The following TMLHE variants were observed in gnomAD, a reference collection of about 807,000 sequenced individuals.
TMLHE encodes trimethyllysine hydroxylase, epsilon.
In TMLHE, 18 loss-of-function variants were observed where a neutral mutation model predicts 25.7. The ratio of observed to expected loss-of-function variants is 0.70; its 90% CI spans 0.48 to 1.04. TMLHE has a LOEUF of 1.04. TMLHE is among the 50% of genes least tolerant of loss of function. TMLHE has a pLI of 0.00. For synonymous variants in TMLHE, 105 were observed against 97.0 expected, an observed-to-expected ratio of 1.08 and a Z score of -0.49; for missense variants, 236 against 259.0, an observed-to-expected ratio of 0.91 and a Z score of 0.61.
chrX:155,522,227 C>T (rs1408386270), intron 3 of TMLHE, among the ~76,000 whole-genome samples: 1 of 111,645 alleles, frequency 9.0e-6, no homozygotes, highest in Non-Finnish European at 1.9e-5. Flanking sequence ...GTTTTTTCCT[C>T]CAATGCTTTT....
intron 1 of TMLHE, among the ~76,000 whole-genome samples, chrX:155,584,807 C>T (rs1321894682): frequency 9.0e-6 from 1 of 111,446 alleles, no homozygotes; most frequent in Non-Finnish European, 1.9e-5. Flanking sequence ...TGATTTCCCT[C>T]ATAAATGAAG....
chrX:155,522,343 A>G (rs2067193107), intron 3 of TMLHE, among the ~76,000 whole-genome samples: 1 of 111,901 alleles, frequency 8.9e-6, no homozygotes, highest in Admixed American at 9.4e-5. Flanking sequence ...AACTTGTTAT[A>G]TAACCACACT....
At chrX:155,597,615 G>C (rs984347895) in intron 1 of TMLHE, among the ~76,000 whole-genome samples, 4 of 111,461 alleles carry the variant, frequency 3.6e-5, no homozygotes, top group Non-Finnish European at 7.5e-5. Context: ...AACAATGACA[G>C]GCTTAGTGTT....
chrX:155,548,597 T>A (rs1250987227), intron 1 of TMLHE, among the ~76,000 whole-genome samples: 5 of 108,607 alleles, frequency 4.6e-5, no homozygotes, highest in Non-Finnish European at 7.7e-5. Flanking sequence ...TAGCCGGGTG[T>A]GGTGGCACAC....
At chrX:155,524,757 C>T (rs1422168310) in intron 2 of TMLHE, 125 bp from the exon 3 acceptor site, 2 of 498,131 alleles carry the variant, frequency 4.0e-6, no homozygotes, top group Non-Finnish European at 6.0e-6. Flanking sequence ...AGGGACTTGC[C>T]CCTTACCAGA....
chrX:155,593,916 T>G (rs185194328), intron 1 of TMLHE, among the ~76,000 whole-genome samples: 163 of 109,332 alleles, frequency 1.5e-3, no homozygotes, highest in Non-Finnish European at 1.5e-3. Flanking sequence ...GAAAAAAGAA[T>G]GCAGAAAGCC....
chrX:155,562,684 C>G (rs1406361295), intron 1 of TMLHE, among the ~76,000 whole-genome samples: 1 of 62,112 alleles, frequency 1.6e-5, no homozygotes, highest in Non-Finnish European at 4.5e-5. Flanking sequence ...ATGCACATGA[C>G]AGTATGCTGT....
At chrX:155,599,022 C>A (rs2067740753) in intron 1 of TMLHE, among the ~76,000 whole-genome samples, 1 of 111,406 alleles carries the variant, frequency 9.0e-6, no homozygotes, top group African/African-American at 3.3e-5. Flanking sequence ...AGTCCTCCTC[C>A]TTCTCAGCCT....
At chrX:155,568,702 G>T (rs1252049430) in intron 1 of TMLHE, among the ~76,000 whole-genome samples, 1 of 61,354 alleles carries the variant, frequency 1.6e-5, no homozygotes, top group Non-Finnish European at 4.6e-5. Context: ...TGCAGACACC[G>T]CTGCTGATAC....
intron 1 of TMLHE, among the ~76,000 whole-genome samples, chrX:155,602,725 C>T (rs905267401): frequency 3.6e-5 from 4 of 111,332 alleles, no homozygotes; most frequent in African/African-American, 1.3e-4. Flanking sequence ...AATAATTCTA[C>T]TCAACAAAGT....
Position 155,560,984 on chromosome X carries a change from T to C in TMLHE, c.-1-15707A>G, listed in dbSNP as rs186346576. Among the ~76,000 whole-genome samples, 40 of 61,244 alleles carry C rather than the reference T, an allele frequency of 6.5e-4. 12 individuals carry two copies. The highest frequency in any genetic ancestry group is 1.4e-3 in the Non-Finnish European group (30 of 21,921). 53.2% of individuals were successfully genotyped at this position (61,244 alleles called of 115,157 possible). A position where few individuals can be genotyped will look rare whatever the true frequency, so the allele number is the denominator to read the frequency against. On this transcript the variant is annotated intron_variant, in intron 1 of 7. Coordinates refer to ENST00000334398, the MANE Select transcript of TMLHE (RefSeq NM_018196.4). ...GTAGGCTATTACAGTACTGGATTTA[T>C]TGAAGTAATCCAGGCAAGAAATGAT...
intron 1 of TMLHE, among the ~76,000 whole-genome samples, chrX:155,567,321 C>A (rs1436757749): frequency 9.6e-5 from 6 of 62,695 alleles, no homozygotes; most frequent in African/African-American, 1.4e-4. Flanking sequence ...TACATCTGAA[C>A]ATAATGACTG....
intron 1 of TMLHE, among the ~76,000 whole-genome samples, chrX:155,594,132 A>G (rs1311424285): frequency 8.9e-6 from 1 of 112,020 alleles, no homozygotes; most frequent in Non-Finnish European, 1.9e-5. Context: ...GCTCACCAAG[A>G]CACAATAATC....
At chrX:155,527,088 G>T (rs2124375861) in intron 2 of TMLHE, among the ~76,000 whole-genome samples, 1 of 112,026 alleles carries the variant, frequency 8.9e-6, no homozygotes, top group African/African-American at 3.2e-5. Context: ...TTTGAAATGT[G>T]AAAAGACATG....
At chrX:155,560,676 G>GA (rs782278491) in intron 1 of TMLHE, among the ~76,000 whole-genome samples, 6 of 46,887 alleles carry the variant, frequency 1.3e-4, no homozygotes, top group Admixed American at 5.0e-4. Flanking sequence ...GTGGCCAAAA[G>GA]AAAAAAAAAA....
At position 155,511,996 on chromosome X, in the gene TMLHE, G is replaced by A. The variant is rs138886376; in HGVS notation, c.639-204C>T. On this transcript the variant is annotated intron_variant, in intron 4 of 7. Transcript: ENST00000334398. ...ACTTATTAACATTCTAGAAAGTTGG[G>A]GAGAAAACTGTGGAAGTATAATATT... Among the ~76,000 whole-genome samples, 765 of 110,724 alleles carry A rather than the reference G, an allele frequency of 6.9e-3. 6 individuals are homozygous for A. Among genetic ancestry groups the A allele is most frequent in the African/African-American group, 0.024 (725 of 30,482 alleles).
intron 3 of TMLHE, among the ~76,000 whole-genome samples, chrX:155,516,315 A>T (rs2067156691): frequency 2.3e-4 from 1 of 4,393 alleles, no homozygotes; most frequent in Admixed American, 2.4e-3. Context: ...ATGGTTTCCA[A>T]TTTCATCCAT....
At chrX:155,547,975 C>A (rs1022409833) in intron 1 of TMLHE, among the ~76,000 whole-genome samples, 5 of 111,250 alleles carry the variant, frequency 4.5e-5, no homozygotes, top group African/African-American at 1.6e-4. Flanking sequence ...CCCCATTTCC[C>A]ATAATCTCAC....
chrX:155,596,314 G>A (rs1228445709), intron 1 of TMLHE, among the ~76,000 whole-genome samples: 4 of 111,784 alleles, frequency 3.6e-5, no homozygotes, highest in African/African-American at 1.3e-4. Context: ...TTATCAGTAA[G>A]ATACTGACTT....
Sources: gnomAD v4.1 joint callset for allele counts (sites outside exome capture counted in the v4.1 genomes callset) on GRCh38, gnomAD v4.1.1 for gene constraint, MANE v1.5 for transcripts, NCBI Gene and HGNC (gene_info 2026-07-23, HGNC 2026-07-21) for gene names.